GYG1: variants seen among roughly 807,000 people sequenced by gnomAD.
GYG1 encodes the protein glycogenin 1, also known as glycogenin-1.
GYG1 carries 44 observed loss-of-function variants against 41.9 expected under a neutral mutation model. The ratio of observed to expected loss-of-function variants is 1.05; its 90% CI spans 0.83 to 1.35. GYG1 has a LOEUF of 1.35. GYG1 is among the 40% of genes most tolerant of loss of function. The pLI, the probability that GYG1 is intolerant of heterozygous loss-of-function variation, is 0.00. For synonymous variants in GYG1, 141 were observed against 158.1 expected (o/e 0.89, Z 0.81); for missense variants, 429 against 418.9 (o/e 1.02, Z -0.21).
intron 7 of GYG1, 86 bp from the exon 8 acceptor site, chr3:149,026,674 C>T (rs533766076): frequency 8.8e-7 from 1 of 1,136,888 alleles, no homozygotes; most frequent in East Asian, 2.3e-5. Flanking sequence ...ATGATTCATC[C>T]TGGCTTTTCT....
rs1458152018 is a variant in GYG1, at chr3:149,027,105, A to G, written c.*172A>G. On this transcript the variant is annotated 3_prime_UTR_variant, in exon 8 of 8. Transcript: ENST00000345003. ...GGTGAGAACTGGGCAAAAGTTGTGAAGCAGCAATTCTGTTATATGGACAGT... is the reference window on the plus strand; with the variant it reads ...GGTGAGAACTGGGCAAAAGTTGTGAGGCAGCAATTCTGTTATATGGACAGT... 8 of 642,134 alleles carry G rather than the reference A, an allele frequency of 1.2e-5. No individual in the cohort carries two copies. Among genetic ancestry groups the G allele is most frequent in the South Asian group, 5.8e-5 (3 of 51,594 alleles). 39.8% of individuals were successfully genotyped at this position (642,134 alleles called of 1,614,324 possible).
rs1714729423 is a variant in GYG1 at position 149,027,630 on chromosome 3, G to A, written c.*697G>A. The A allele has an allele frequency of 6.6e-6, 1 of 152,480 alleles. No individual in the cohort carries two copies. The highest frequency in any genetic ancestry group is 2.4e-5 in the African/African-American group (1 of 41,444). 9.4% of individuals were successfully genotyped at this position (152,480 alleles called of 1,614,324 possible). ...TACAAAAAATAAAAGACTTATTGCT[G>A]TATCTTGGTTGTTTAATTAAATTAA... On this transcript the variant is annotated 3_prime_UTR_variant, in exon 8 of 8. Coordinates refer to ENST00000345003, the MANE Select transcript of GYG1 (RefSeq NM_004130.4).
intron 5 of GYG1, among the ~76,000 whole-genome samples, chr3:149,018,619 C>T (rs1193565752): frequency 6.6e-6 from 1 of 152,124 alleles, no homozygotes; most frequent in Admixed American, 6.6e-5. Context: ...CTCTTCCCAC[C>T]CCCAAAGGGC....
In GYG1 at chr3:148,996,414, A is replaced by C. The variant is rs988422519; in HGVS notation, c.256A>C (p.Lys86Gln). The C allele has an allele frequency of 1.9e-6, 3 of 1,613,880 alleles. No homozygotes were observed. In the African/African-American group the frequency reaches 4.0e-5, roughly 22 times the overall value. ...GCCAGAGTTGGGTGTCACGCTGACA[A>C]AGCTCCACTGCTGGTCGCTTACACA... ...KRPELGVTLT[K>Q]LHCWSLTQYS... is the part of the protein sequence containing the mutation. Residue 86 changes from lysine to glutamine, a missense_variant, in exon 3 of 8, where the codon AAG (lysine) becomes CAG (glutamine). Coordinates refer to ENST00000345003, the MANE Select transcript of GYG1 (RefSeq NM_004130.4).
In GYG1 at chr3:148,996,487, C is replaced by T. The variant is rs1452373729; in HGVS notation, c.318+11C>T. ...GATGCAGATACTCTGGTGAGTGTGGCTTTGAGGGTAGAAAAGAAAGACATA... is the reference window on the plus strand; with the variant it reads ...GATGCAGATACTCTGGTGAGTGTGGTTTTGAGGGTAGAAAAGAAAGACATA... On this transcript the variant is annotated intron_variant, in intron 3 of 7. Transcript: ENST00000345003. 2.5e-5 allele frequency: 40 copies of T among 1,608,486 alleles called. No individual in the cohort carries two copies. Among genetic ancestry groups the T allele is most frequent in the Non-Finnish European group, 3.1e-5 (37 of 1,175,538 alleles).
chr3:149,016,200 G>T (rs1368247157), intron 5 of GYG1, among the ~76,000 whole-genome samples: 1 of 144,588 alleles, frequency 6.9e-6, no homozygotes, highest in East Asian at 2.1e-4. Flanking sequence ...GGTGGAGCTT[G>T]CAGTGAGCCG....
In GYG1 at chr3:148,996,410, G is replaced by A. The variant is rs747087827; in HGVS notation, c.252G>A (p.Leu84=). The change falls in exon 3 of 8, where the codon CTG becomes CTA. Residue 84 remains leucine, a synonymous_variant. Coordinates refer to ENST00000345003, the MANE Select transcript of GYG1 (RefSeq NM_004130.4). ...LMKRPELGVT[L]TKLHCWSLTQ... is the part of the protein sequence containing the mutation. Reference sequence around the variant, plus strand: ...AGAGGCCAGAGTTGGGTGTCACGCTGACAAAGCTCCACTGCTGGTCGCTTA... The same window carrying A: ...AGAGGCCAGAGTTGGGTGTCACGCTAACAAAGCTCCACTGCTGGTCGCTTA... The A allele has an allele frequency of 1.7e-5, 28 of 1,613,734 alleles. No individual in the cohort carries two copies. Among genetic ancestry groups the A allele is most frequent in the South Asian group, 9.9e-5 (9 of 91,076 alleles).
rs138865603 is a variant in GYG1 at position 149,019,861 on chromosome 3, C to T, written c.609-4192C>T. Among the ~76,000 whole-genome samples the T allele has an allele frequency of 5.5e-3, 837 of 152,346 alleles. 9 individuals carry two copies. Among genetic ancestry groups the T allele is most frequent in the African/African-American group, 0.019 (789 of 41,572 alleles). The stretch of plus-strand genomic sequence containing the variant: ...GGCATGGAGCTGGTATCCAGGAGGG[C>T]TGCAGAATCCTCTTGAACCAGTCGT... On this transcript the variant is annotated intron_variant, in intron 5 of 7. Coordinates refer to ENST00000345003, the MANE Select transcript of GYG1 (RefSeq NM_004130.4).
At chr3:149,017,904 C>T (rs762247748) in intron 5 of GYG1, among the ~76,000 whole-genome samples, 2 of 151,912 alleles carry the variant, frequency 1.3e-5, no homozygotes, top group South Asian at 2.1e-4. Context: ...TGAGCCACCA[C>T]GCCCAGCCTC....
chr3:149,027,309 T>G lies in GYG1; in HGVS notation c.*376T>G, dbSNP rs549567633. The G allele has an allele frequency of 3.5e-6, 1 of 282,168 alleles. No homozygotes were observed. The highest frequency in any genetic ancestry group is 2.2e-5 in the African/African-American group (1 of 45,698). 17.5% of individuals were successfully genotyped at this position (282,168 alleles called of 1,614,324 possible). ...AGCAGACATGGCATCTGTTCCTTGCTTGCTTGTTGGTTGTGTACCTTTCAC... is the reference window on the plus strand; with the variant it reads ...AGCAGACATGGCATCTGTTCCTTGCGTGCTTGTTGGTTGTGTACCTTTCAC... On this transcript the variant is annotated 3_prime_UTR_variant, in exon 8 of 8. Transcript: ENST00000345003.
chr3:149,017,621 A>T lies in GYG1; in HGVS notation c.609-6432A>T, dbSNP rs1714137768. Among the ~76,000 whole-genome samples the T allele has an allele frequency of 1.9e-5, 2 of 102,626 alleles. 1 individual carries two copies. The highest frequency in any genetic ancestry group is 6.5e-4 in the South Asian group (2 of 3,078). 67.3% of individuals were successfully genotyped at this position (102,626 alleles called of 152,430 possible). On this transcript the variant is annotated intron_variant, in intron 5 of 7. Coordinates refer to ENST00000345003, the MANE Select transcript of GYG1 (RefSeq NM_004130.4). ...TTTTTTTTTTTTTTTTTGGAGACACAGTCTCGCTCTGTCACCCATGCTGGA... is the reference window on the plus strand; with the variant it reads ...TTTTTTTTTTTTTTTTTGGAGACACTGTCTCGCTCTGTCACCCATGCTGGA...
At chr3:149,015,908 T>A (rs1395961478) in intron 5 of GYG1, among the ~76,000 whole-genome samples, 3 of 152,054 alleles carry the variant, frequency 2.0e-5, no homozygotes. Flanking sequence ...TGGAGTGATG[T>A]CCTTGGATAG....
intron 5 of GYG1, among the ~76,000 whole-genome samples, chr3:149,014,739 A>G (rs1329555979): frequency 6.6e-6 from 1 of 151,922 alleles, no homozygotes; most frequent in Non-Finnish European, 1.5e-5. Flanking sequence ...GTAGTGGTGC[A>G]TGCCTGTAAT....
intron 6 of GYG1, 118 bp from the exon 7 acceptor site, chr3:149,026,334 T>C: frequency 1.3e-6 from 1 of 776,008 alleles, no homozygotes; most frequent in South Asian, 1.4e-5. Flanking sequence ...ATGTAGCCTG[T>C]TGGGTATCAT....
intron 7 of GYG1, 99 bp from the exon 8 acceptor site, chr3:149,026,661 A>T (rs1433844108): frequency 2.9e-5 from 31 of 1,059,058 alleles, no homozygotes; most frequent in Non-Finnish European, 4.4e-5. Context: ...GCTACTTTGC[A>T]TGATGATTCA....
At position 148,991,631 on chromosome 3, in the gene GYG1, C is replaced by T. The variant is rs1253324926; in HGVS notation, c.-10C>T. On this transcript the variant is annotated 5_prime_UTR_variant, in exon 1 of 8. Coordinates refer to ENST00000345003, the MANE Select transcript of GYG1 (RefSeq NM_004130.4). Reference sequence around the variant, plus strand: ...AGGCTGCCCCGGCCGCCTGCGCACCCGGCAGCACCATGACAGGTACCGCCG... The same window carrying T: ...AGGCTGCCCCGGCCGCCTGCGCACCTGGCAGCACCATGACAGGTACCGCCG... 2.6e-6 allele frequency: 4 copies of T among 1,553,752 alleles called. No homozygotes were observed. The South Asian group carries it at 3.5e-5, about 14-fold the overall frequency.
chr3:148,994,308 A>G (rs1352561577), intron 2 of GYG1, 31 bp downstream of exon 2: 4 of 1,611,836 alleles, frequency 2.5e-6, no homozygotes, highest in East Asian at 2.2e-5. Context: ...CCAGCATCCA[A>G]GGGGCTCTGA....
In GYG1 at chr3:149,013,274, G is replaced by T. The variant is rs538056646; in HGVS notation, c.608+3872G>T. Reference sequence around the variant, plus strand: ...TAAGTTTTCTCTAACTGAAGGTTTTGTTTCATCCAGATAGCATATAGTATG... The same window carrying T: ...TAAGTTTTCTCTAACTGAAGGTTTTTTTTCATCCAGATAGCATATAGTATG... On this transcript the variant is annotated intron_variant, in intron 5 of 7. Transcript: ENST00000345003. Among the ~76,000 whole-genome samples, 7 of 144,592 alleles carry T rather than the reference G, an allele frequency of 4.8e-5. No individual in the cohort carries two copies. In the East Asian group the frequency reaches 1.2e-3, roughly 24 times the overall value. The allele number at this position is 144,592 out of a possible 152,430, so 94.9% of individuals were successfully genotyped here. A position where few individuals can be genotyped will look rare whatever the true frequency, so the allele number is the denominator to read the frequency against.
chr3:149,028,316 A>G lies in GYG1; in HGVS notation c.*1383A>G, dbSNP rs114140469. Among the ~76,000 whole-genome samples, 2,186 of 152,322 alleles carry G rather than the reference A, an allele frequency of 0.014. 41 individuals carry two copies. The highest frequency in any genetic ancestry group is 0.05 in the African/African-American group (2,087 of 41,570). ...TGAAGGCTGTTACCATAGGAGCTCAATAAGAACCTGAGGATTTACCTAGAA... is the reference window on the plus strand; with the variant it reads ...TGAAGGCTGTTACCATAGGAGCTCAGTAAGAACCTGAGGATTTACCTAGAA... On this transcript the variant is annotated 3_prime_UTR_variant, in exon 8 of 8. Coordinates refer to ENST00000345003, the MANE Select transcript of GYG1 (RefSeq NM_004130.4).
Sources: gnomAD v4.1 joint callset for allele counts (sites outside exome capture counted in the v4.1 genomes callset) on GRCh38, gnomAD v4.1.1 for gene constraint, MANE v1.5 for transcripts, NCBI Gene and HGNC (gene_info 2026-07-23, HGNC 2026-07-21) for gene names.